WDR89: variants seen among roughly 807,000 people sequenced by gnomAD.
The protein encoded by WDR89 is WD repeat domain 89, also known as WD repeat-containing protein 89.
In WDR89, 17 loss-of-function variants were observed where a neutral mutation model predicts 29.1. The observed-to-expected ratio is 0.58, with a 90% CI of 0.40 to 0.88. WDR89 has a LOEUF of 0.88. WDR89 is among the 40% of genes least tolerant of loss of function. The probability of loss-of-function intolerance (pLI) is 0.00; values close to 1 mark genes in which losing one functional copy is unlikely to be tolerated. For synonymous variants in WDR89, 138 were observed against 157.8 expected (o/e 0.87, Z 0.94); for missense variants, 396 against 456.3 (o/e 0.87, Z 1.20).
At chr14:63,635,321 A>C (rs1006173836) in intron 1 of WDR89, among the ~76,000 whole-genome samples, 2 of 152,244 alleles carry the variant, frequency 1.3e-5, no homozygotes, top group African/African-American at 4.8e-5. Flanking sequence ...GGGATGGTTT[A>C]ACATACACAA....
At chr14:63,610,624 TTA>T (rs1881904182) in intron 2 of WDR89, among the ~76,000 whole-genome samples, 1 of 152,132 alleles carries the variant, frequency 6.6e-6, no homozygotes, top group Non-Finnish European at 1.5e-5. Flanking sequence ...TTCACCTCTG[TTA>T]TGTTATTCCC....
intron 2 of WDR89, among the ~76,000 whole-genome samples, chr14:63,614,311 CTT>C (rs113657972): frequency 1.8e-4 from 26 of 141,808 alleles, no homozygotes; most frequent in Admixed American, 1.4e-4. Context: ...TTCTTTTTTT[CTT>C]TTTTTTTTTT....
chr14:63,610,198 C>T (rs748827501), intron 2 of WDR89, among the ~76,000 whole-genome samples: 6 of 117,394 alleles, frequency 5.1e-5, no homozygotes, highest in Admixed American at 1.1e-4. Context: ...CTGGCCGGGG[C>T]GACAGAGTAA....
chr14:63,604,717 C>T (rs1895227724), intron 2 of WDR89, among the ~76,000 whole-genome samples: 1 of 152,186 alleles, frequency 6.6e-6, no homozygotes. Context: ...TATTACCTAA[C>T]TCTTTCTTGC....
intron 1 of WDR89, among the ~76,000 whole-genome samples, chr14:63,641,106 AAAAAAAAAAGAAAAAG>A (rs1884094798): frequency 6.6e-6 from 1 of 150,428 alleles, no homozygotes; most frequent in Non-Finnish European, 1.5e-5. Flanking sequence ...TCAAAAAAAA[AAAAAAAAAAGAAAAAG>A]AAAAAGAAAA....
chr14:63,634,729 C>T (rs1883619720), intron 1 of WDR89, among the ~76,000 whole-genome samples: 1 of 151,938 alleles, frequency 6.6e-6, no homozygotes, highest in South Asian at 2.1e-4. Flanking sequence ...ATTAGCCAGG[C>T]ATGGTGGCAC....
At chr14:63,640,361 G>C (rs1884025602) in intron 1 of WDR89, among the ~76,000 whole-genome samples, 1 of 152,186 alleles carries the variant, frequency 6.6e-6, no homozygotes, top group African/African-American at 2.4e-5. Context: ...AATTATACAG[G>C]TGAAAAAGCT....
intron 1 of WDR89, among the ~76,000 whole-genome samples, chr14:63,640,497 T>C (rs1009355024): frequency 6.6e-6 from 1 of 151,142 alleles, no homozygotes; most frequent in Non-Finnish European, 1.5e-5. Context: ...CTTTTTTTTT[T>C]CTCTTTTTTG....
At chr14:63,617,553 T>C (rs371525876) in intron 2 of WDR89, among the ~76,000 whole-genome samples, 3 of 152,022 alleles carry the variant, frequency 2.0e-5, no homozygotes, top group Admixed American at 6.6e-5. Context: ...TGCAGTGGAA[T>C]GATCTCGGCT....
intron 1 of WDR89, among the ~76,000 whole-genome samples, chr14:63,641,134 CAAAAA>C (rs1160185356): frequency 4.2e-5 from 6 of 144,402 alleles, no homozygotes; most frequent in Non-Finnish European, 7.7e-5. Context: ...AAAAGAAAAA[CAAAAA>C]AGAAAACAGG....
At chr14:63,622,059 T>A (rs1237209627) in intron 2 of WDR89, among the ~76,000 whole-genome samples, 2 of 152,228 alleles carry the variant, frequency 1.3e-5, no homozygotes, top group Admixed American at 1.3e-4. Context: ...CATTTTTTCC[T>A]TTTAAATTTT....
chr14:63,607,254 C>T (rs1008344728), intron 2 of WDR89, among the ~76,000 whole-genome samples: 7 of 152,092 alleles, frequency 4.6e-5, no homozygotes, highest in Non-Finnish European at 1.0e-4. Flanking sequence ...GCTCTGCCTC[C>T]CGGGTTCACG....
At chr14:63,615,697 C>A (rs1296617313) in intron 2 of WDR89, among the ~76,000 whole-genome samples, 1 of 152,150 alleles carries the variant, frequency 6.6e-6, no homozygotes. Flanking sequence ...CAGGCCGAGG[C>A]AGGCAGATCA....
In WDR89 at chr14:63,599,700, G is replaced by A. The variant is rs146736683; in HGVS notation, c.243C>T (p.Ser81=). ...TACATGCTGAATATACACTGTCACAGGAATTTGCAAATCTGACTCCATTAA... is the reference window on the plus strand; with the variant it reads ...TACATGCTGAATATACACTGTCACAAGAATTTGCAAATCTGACTCCATTAA... The part of the protein sequence containing the change: ...GLLNGVRFAN[S]CDSVYSACTD... Residue 81 remains serine (S), a synonymous_variant, in exon 3 of 3, where the codon TCC becomes TCT. Transcript: ENST00000620954. The A allele has an allele frequency of 3.7e-6, 6 of 1,614,012 alleles. No individual in the cohort carries two copies. Among genetic ancestry groups the A allele is most frequent in the Middle Eastern group, 1.6e-4 (1 of 6,084 alleles).
At chr14:63,630,939 C>A (rs1387219972) in intron 1 of WDR89, among the ~76,000 whole-genome samples, 1 of 152,060 alleles carries the variant, frequency 6.6e-6, no homozygotes, top group Non-Finnish European at 1.5e-5. Flanking sequence ...CATGCCCCAG[C>A]TAATTTTTTA....
intron 2 of WDR89, among the ~76,000 whole-genome samples, chr14:63,623,622 T>C (rs1225314982): frequency 1.4e-5 from 2 of 144,040 alleles, no homozygotes; most frequent in East Asian, 4.1e-4. Context: ...GAGAATCTCT[T>C]GAACCCAGGA....
intron 2 of WDR89, among the ~76,000 whole-genome samples, chr14:63,612,773 A>G (rs892455819): frequency 1.3e-5 from 2 of 152,170 alleles, no homozygotes; most frequent in Non-Finnish European, 2.9e-5. Flanking sequence ...AAATCTCTCG[A>G]AAGTAGTAAG....
At position 63,599,626 on chromosome 14, in the gene WDR89, G is replaced by C; in HGVS notation, c.317C>G (p.Pro106Arg). Residue 106 changes from proline to arginine, a missense_variant, in exon 3 of 3, where the codon CCT becomes CGT. Pro to Arg is a moderately radical substitution (Grantham distance 103, BLOSUM62 -2). Coordinates refer to ENST00000620954, the MANE Select transcript of WDR89 (RefSeq NM_080666.4). ...CWDARVAREK[P>R]VQLFKGYPSN... The stretch of plus-strand genomic sequence containing the variant: ...AGGGTAACCCTTGAAGAGCTGAACA[G>C]GTTTTTCTCTGGCTACTCGAGCATC... 6.2e-7 allele frequency: 1 copy of C among 1,614,150 alleles called. No individual in the cohort carries two copies.
At chr14:63,621,226 CTT>C (rs1018577343) in intron 2 of WDR89, among the ~76,000 whole-genome samples, 3 of 152,108 alleles carry the variant, frequency 2.0e-5, no homozygotes, top group African/African-American at 7.2e-5. Flanking sequence ...TGCAAAAAAA[CTT>C]ATACATAAAT....
Sources: gnomAD v4.1 joint callset for allele counts (sites outside exome capture counted in the v4.1 genomes callset) on GRCh38, gnomAD v4.1.1 for gene constraint, MANE v1.5 for transcripts, NCBI Gene and HGNC (gene_info 2026-07-23, HGNC 2026-07-21) for gene names.